Variants in DTD1 observed in about 807,000 individuals in gnomAD.
DTD1 encodes D-tyrosyl-tRNA deacylase 1 homolog.
A neutral mutation model predicts 25.6 loss-of-function variants in DTD1; 13 were observed. The ratio of observed to expected loss-of-function variants is 0.51; its 90% confidence interval spans 0.33 to 0.81. The LOEUF is 0.81. Among genes scored for constraint, DTD1 ranks in the 30% least tolerant of loss-of-function variants. The pLI is 0.02. For synonymous variants in DTD1, 110 were observed against 103.6 expected (o/e 1.06, Z -0.37); for missense variants, 193 against 266.4 (o/e 0.72, Z 1.92).
intron 4 of DTD1, among the ~76,000 whole-genome samples, chr20:18,648,041 G>C (rs2060856755): frequency 6.6e-6 from 1 of 152,170 alleles, no homozygotes; most frequent in Non-Finnish European, 1.5e-5. Context: ...TGTTCTCTTT[G>C]TTCACCTGAT....
At chr20:18,708,871 C>A (rs1478709056) in intron 4 of DTD1, among the ~76,000 whole-genome samples, 1 of 152,142 alleles carries the variant, frequency 6.6e-6, no homozygotes, top group African/African-American at 2.4e-5. Context: ...TACCTCCTGT[C>A]ATCTCCATCA....
chr20:18,752,220 T>C (rs967629040), intron 5 of DTD1, among the ~76,000 whole-genome samples: 8 of 152,266 alleles, frequency 5.3e-5, no homozygotes, highest in South Asian at 2.1e-4. Flanking sequence ...ATGTCTGTTA[T>C]TAAGTTTGGA....
At chr20:18,616,026 G>T (rs538297670) in intron 3 of DTD1, among the ~76,000 whole-genome samples, 2 of 152,166 alleles carry the variant, frequency 1.3e-5, no homozygotes, top group Admixed American at 1.3e-4. Context: ...GTGGAAGCCT[G>T]TTCTATATAC....
chr20:18,699,725 T>C lies in DTD1; in HGVS notation c.478-44375T>C, dbSNP rs563166641. Among the ~76,000 whole-genome samples the C allele has an allele frequency of 7.2e-5, 11 of 152,302 alleles. No individual in the cohort carries two copies. In the South Asian group the frequency reaches 2.1e-3, roughly 29 times the overall value. On this transcript the variant is annotated intron_variant, in intron 4 of 5. Transcript: ENST00000377452. ...GGAGGTGAGCATTTGGAAAGTACCA[T>C]TGGGCTTGCTGGCCACACAGTCAAG...
intron 4 of DTD1, among the ~76,000 whole-genome samples, chr20:18,682,315 T>C (rs1207260204): frequency 3.3e-5 from 5 of 152,148 alleles, no homozygotes. Flanking sequence ...TGATGAGAGA[T>C]TTCTTCGCCC....
At chr20:18,635,405 G>A (rs751671935) in intron 4 of DTD1, among the ~76,000 whole-genome samples, 5 of 152,194 alleles carry the variant, frequency 3.3e-5, no homozygotes, top group African/African-American at 4.8e-5. Flanking sequence ...GGGCTAGGGC[G>A]CCACCTGGCC....
At chr20:18,732,565 A>G (rs2061242224) in intron 4 of DTD1, among the ~76,000 whole-genome samples, 1 of 152,184 alleles carries the variant, frequency 6.6e-6, no homozygotes, top group Non-Finnish European at 1.5e-5. Flanking sequence ...TTGACGTTTT[A>G]CCATTAGCCC....
intron 3 of DTD1, among the ~76,000 whole-genome samples, chr20:18,597,154 AGTGT>A (rs4052788): frequency 0.029 from 4,118 of 143,440 alleles, 71 homozygotes; most frequent in South Asian, 0.045. Context: ...GATGAGAGAA[AGTGT>A]GTGTGTGTGT....
chr20:18,713,276 CTAA>C (rs1286445665), intron 4 of DTD1, among the ~76,000 whole-genome samples: 2 of 152,260 alleles, frequency 1.3e-5, no homozygotes, highest in Non-Finnish European at 2.9e-5. Context: ...AGGTGTGCAC[CTAA>C]TGACTTTAAA....
At chr20:18,661,176 A>G (rs2060908319) in intron 4 of DTD1, among the ~76,000 whole-genome samples, 1 of 152,180 alleles carries the variant, frequency 6.6e-6, no homozygotes, top group South Asian at 2.1e-4. Flanking sequence ...TGTTGGGTAC[A>G]GTATTTCCTC....
chr20:18,714,044 A>G (rs772236711), intron 4 of DTD1, among the ~76,000 whole-genome samples: 11 of 152,170 alleles, frequency 7.2e-5, no homozygotes, highest in Admixed American at 2.0e-4. Context: ...AAAGGTCTGC[A>G]CGCTTTAGCT....
intron 4 of DTD1, among the ~76,000 whole-genome samples, chr20:18,661,972 T>TGCCCA (rs1483617419): frequency 1.1e-4 from 16 of 152,184 alleles, no homozygotes; most frequent in Non-Finnish European, 1.8e-4. Flanking sequence ...GGCAACATAG[T>TGCCCA]GAGACCCTGT....
At chr20:18,630,996 C>T (rs1439382463) in intron 4 of DTD1, 7 of 914,116 alleles carry the variant, frequency 7.7e-6, no homozygotes, top group Non-Finnish European at 9.1e-6. Flanking sequence ...AGCCTTATTA[C>T]TTGGTTCAGG....
At chr20:18,631,637 C>A in intron 4 of DTD1, 1 of 985,484 alleles carries the variant, frequency 1.0e-6, no homozygotes, top group Non-Finnish European at 1.2e-6. Context: ...TTTTTCAGAA[C>A]ACTTTTCTTG....
chr20:18,748,650 A>AC (rs1337038627), intron 5 of DTD1, among the ~76,000 whole-genome samples: 1 of 152,250 alleles, frequency 6.6e-6, no homozygotes, highest in Non-Finnish European at 1.5e-5. Context: ...AGAACTGAGC[A>AC]CATAAAAAGA....
rs1382308293 is a variant in DTD1 at position 18,632,357 on chromosome 20, C to G, written c.477+4124C>G. 3.0e-6 allele frequency: 3 copies of G among 985,338 alleles called. No homozygotes were observed. The African/African-American group carries it at 5.2e-5, about 17-fold the overall frequency. 61.0% of individuals were successfully genotyped at this position (985,338 alleles called of 1,614,324 possible). On this transcript the variant is annotated intron_variant, in intron 4 of 5. Transcript: ENST00000377452. Reference sequence around the variant, plus strand: ...GCCCCCAGAAGCCTCAGACCCTGAACATTGCACTGCGCTCTGCCCCTAGCT... The same window carrying G: ...GCCCCCAGAAGCCTCAGACCCTGAAGATTGCACTGCGCTCTGCCCCTAGCT...
chr20:18,685,651 C>T (rs576578935), intron 4 of DTD1, among the ~76,000 whole-genome samples: 45 of 152,326 alleles, frequency 3.0e-4, no homozygotes, highest in African/African-American at 1.1e-3. Flanking sequence ...TGGCTTAGTA[C>T]AGATTCCTAG....
At chr20:18,632,825 GTGTGTGTA>G in intron 4 of DTD1, 1 of 242,608 alleles carries the variant, frequency 4.1e-6, no homozygotes. Flanking sequence ...ATATGTGTAT[GTGTGTGTA>G]TGTGTGTGTG....
intron 4 of DTD1, among the ~76,000 whole-genome samples, chr20:18,642,477 C>T (rs776145604): frequency 3.3e-5 from 5 of 151,894 alleles, no homozygotes; most frequent in Non-Finnish European, 5.9e-5. Flanking sequence ...CTGTGCTGCT[C>T]AGGCTGGTTT....
Sources: gnomAD v4.1 joint callset for allele counts (sites outside exome capture counted in the v4.1 genomes callset) on GRCh38, gnomAD v4.1.1 for gene constraint, MANE v1.5 for transcripts, NCBI Gene and HGNC (gene_info 2026-07-23, HGNC 2026-07-21) for gene names.